The following SORCS2 variants were observed in gnomAD, a reference collection of about 807,000 sequenced individuals.
The protein encoded by SORCS2 is VPS10 domain-containing receptor SorCS2.
Under a neutral mutation model 141.6 loss-of-function variants are expected in SORCS2, and 100 were observed. That is an observed-to-expected ratio of 0.71 (90% CI 0.60 to 0.83). The LOEUF (loss-of-function observed/expected upper bound fraction) is 0.83, where lower values mean the gene tolerates loss of function less well. Ranked by LOEUF, SORCS2 falls within the 40% of genes least tolerant of loss-of-function variation. SORCS2 has a pLI of 0.00. For missense variants in SORCS2, 1,646 were observed against 1,560.2 expected, an observed-to-expected ratio of 1.05 and a Z score of -0.93; for synonymous variants, 789 against 676.9, an observed-to-expected ratio of 1.17 and a Z score of -2.57.
chr4:7,472,389 G>A (rs868868233), intron 2 of SORCS2, among the ~76,000 whole-genome samples: 3 of 152,154 alleles, frequency 2.0e-5, no homozygotes, highest in Non-Finnish European at 4.4e-5. Flanking sequence ...CAAAGTGGAC[G>A]GCATGTTCCC....
chr4:7,713,622 T>G (rs966568172), intron 15 of SORCS2, among the ~76,000 whole-genome samples: 1 of 151,474 alleles, frequency 6.6e-6, no homozygotes, highest in Non-Finnish European at 1.5e-5. Flanking sequence ...TGACATCACC[T>G]GGGGGGCAGT....
chr4:7,553,742 T>G (rs1187538418), intron 3 of SORCS2, among the ~76,000 whole-genome samples: 1 of 152,180 alleles, frequency 6.6e-6, no homozygotes, highest in Non-Finnish European at 1.5e-5. Context: ...AAAACATGTT[T>G]CTGGAAAAGA....
chr4:7,648,037 T>C lies in SORCS2; in HGVS notation c.814-6097T>C, dbSNP rs530132086. Among the ~76,000 whole-genome samples the C allele has an allele frequency of 4.4e-4, 65 of 148,494 alleles. No individual in the cohort carries two copies. The South Asian group carries it at 0.014, about 33-fold the overall frequency. ...GGAGGCAGGAGCAGCCGAGGTGGAGTGGGGAAGTGGGGTGGCCTGAGATGG... is the reference window on the plus strand; with the variant it reads ...GGAGGCAGGAGCAGCCGAGGTGGAGCGGGGAAGTGGGGTGGCCTGAGATGG... On this transcript the variant is annotated intron_variant, in intron 4 of 26. Coordinates refer to ENST00000507866, the MANE Select transcript of SORCS2 (RefSeq NM_020777.3). This position sits in a 1 kb window ranked among gnomAD's most constrained non-coding sequence, Gnocchi z 4.2.
chr4:7,710,386 C>G (rs1440783746), intron 14 of SORCS2, among the ~76,000 whole-genome samples: 2 of 152,100 alleles, frequency 1.3e-5, no homozygotes, highest in Non-Finnish European at 2.9e-5. Context: ...CGCCTGGGCC[C>G]GGCCTGCAGT....
At chr4:7,364,328 AG>A (rs1721754704) in intron 1 of SORCS2, among the ~76,000 whole-genome samples, 1 of 152,244 alleles carries the variant, frequency 6.6e-6, no homozygotes, top group African/African-American at 2.4e-5. Flanking sequence ...GTCTTTGGAC[AG>A]GGAAATGCAC....
chr4:7,686,076 C>G (rs945889161), intron 10 of SORCS2, among the ~76,000 whole-genome samples: 5 of 152,232 alleles, frequency 3.3e-5, no homozygotes, highest in African/African-American at 1.2e-4. Context: ...TTTCAGCCCT[C>G]TGTTTTTCTC....
intron 18 of SORCS2, among the ~76,000 whole-genome samples, chr4:7,719,966 C>T (rs1402452609): frequency 1.3e-5 from 2 of 152,136 alleles, no homozygotes; most frequent in Non-Finnish European, 2.9e-5. Flanking sequence ...GGGAAGAGGC[C>T]ACCCGCTACG....
rs866062409 is a variant in SORCS2, at chr4:7,500,535, A to G, written c.549-30995A>G. Among the ~76,000 whole-genome samples the G allele has an allele frequency of 3.9e-5, 6 of 152,176 alleles. No homozygotes were observed. The Middle Eastern group carries it at 0.01, about 259-fold the overall frequency. ...GAGATAGCCAGTATTCAAGTTAAGAAATAACCACAGAGGATGTCAGTGTGC... is the reference window on the plus strand; with the variant it reads ...GAGATAGCCAGTATTCAAGTTAAGAGATAACCACAGAGGATGTCAGTGTGC... On this transcript the variant is annotated intron_variant, in intron 2 of 26. Transcript: ENST00000507866.
chr4:7,455,890 G>A (rs1220923536), intron 2 of SORCS2, among the ~76,000 whole-genome samples: 1 of 152,156 alleles, frequency 6.6e-6, no homozygotes, highest in East Asian at 1.9e-4. Flanking sequence ...ATCAGGCGCC[G>A]GGTTAGCATC....
At chr4:7,695,547 GATGGATGGATGGATGC>G (rs1172534159) in intron 11 of SORCS2, among the ~76,000 whole-genome samples, 1 of 11,572 alleles carries the variant, frequency 8.6e-5, no homozygotes, top group Non-Finnish European at 1.9e-4. Context: ...TGGGTGGATG[GATGGATGGATGGATGC>G]ATGGATGGAT....
At position 7,466,235 on chromosome 4, in the gene SORCS2, G is replaced by A. The variant is rs114560039; in HGVS notation, c.549-65295G>A. 2.7e-3 allele frequency among the ~76,000 whole-genome samples: 408 copies of A among 152,262 alleles called. 5 individuals are homozygous for A. The highest frequency in any genetic ancestry group is 9.3e-3 in the African/African-American group (385 of 41,550). On this transcript the variant is annotated intron_variant, in intron 2 of 26. Coordinates refer to ENST00000507866, the MANE Select transcript of SORCS2 (RefSeq NM_020777.3). Reference sequence around the variant, plus strand: ...GGGGGTGAGAGTACATCTGGTTCACGCCCCTGCAGTCAATCAGGGGCCCAG... The same window carrying A: ...GGGGGTGAGAGTACATCTGGTTCACACCCCTGCAGTCAATCAGGGGCCCAG...
chr4:7,544,904 G>A (rs867371827), intron 3 of SORCS2, among the ~76,000 whole-genome samples: 1 of 152,194 alleles, frequency 6.6e-6, no homozygotes, highest in African/African-American at 2.4e-5. Context: ...GGAGCCCTGA[G>A]GAGGGCTGGG....
At chr4:7,315,573 G>C (rs1221419196) in intron 1 of SORCS2, among the ~76,000 whole-genome samples, 1 of 152,206 alleles carries the variant, frequency 6.6e-6, no homozygotes, top group Non-Finnish European at 1.5e-5. Context: ...GGACTTTGCT[G>C]TGGTGCGCCA....
At chr4:7,284,369 C>T (rs954052556) in intron 1 of SORCS2, among the ~76,000 whole-genome samples, 3 of 152,222 alleles carry the variant, frequency 2.0e-5, no homozygotes, top group Admixed American at 6.5e-5. Flanking sequence ...CTTTATCAAC[C>T]TCCCTGAGCC....
intron 3 of SORCS2, among the ~76,000 whole-genome samples, chr4:7,603,157 G>C (rs911243477): frequency 4.6e-5 from 7 of 151,892 alleles, no homozygotes; most frequent in African/African-American, 1.7e-4. Flanking sequence ...TGGAGAGAGA[G>C]GGAGAGGGAG....
At chr4:7,224,391 G>A (rs536294237) in intron 1 of SORCS2, among the ~76,000 whole-genome samples, 1 of 152,288 alleles carries the variant, frequency 6.6e-6, no homozygotes, top group East Asian at 1.9e-4. Context: ...GAGAGGAGGC[G>A]GGGCTGGGAC....
intron 1 of SORCS2, among the ~76,000 whole-genome samples, chr4:7,225,757 G>A (rs866282786): frequency 1.3e-5 from 2 of 152,148 alleles, no homozygotes; most frequent in African/African-American, 4.8e-5. Flanking sequence ...TTGTGCTCTC[G>A]GGGCCCCTGT....
In SORCS2 at chr4:7,609,777, G is replaced by A. The variant is rs1258673338; in HGVS notation, c.649-28551G>A. Among the ~76,000 whole-genome samples, 5 of 152,222 alleles carry A rather than the reference G, an allele frequency of 3.3e-5. No individual in the cohort carries two copies. In the East Asian group the frequency reaches 9.6e-4, roughly 29 times the overall value. The stretch of plus-strand genomic sequence containing the variant: ...GGGACCTCCGGATGGGCCTTGGGAT[G>A]ACAAGGGTCTCCGCTGCGCACTCTC... On this transcript the variant is annotated intron_variant, in intron 3 of 26. Coordinates refer to ENST00000507866, the MANE Select transcript of SORCS2 (RefSeq NM_020777.3).
At position 7,565,767 on chromosome 4, in the gene SORCS2, G is replaced by A. The variant is rs531866562; in HGVS notation, c.648+34138G>A. Reference sequence around the variant, plus strand: ...ATGTGAAAGTGATGGTGATGGTGTCGGTGGTGATGATGTGATGATGGATAT... The same window carrying A: ...ATGTGAAAGTGATGGTGATGGTGTCAGTGGTGATGATGTGATGATGGATAT... On this transcript the variant is annotated intron_variant, in intron 3 of 26. Coordinates refer to ENST00000507866, the MANE Select transcript of SORCS2 (RefSeq NM_020777.3). Among the ~76,000 whole-genome samples the A allele has an allele frequency of 7.3e-4, 109 of 148,668 alleles. 1 individual carries two copies. Among genetic ancestry groups the A allele is most frequent in the African/African-American group, 2.3e-3 (96 of 41,022 alleles).
Sources: allele counts gnomAD v4.1 joint callset (sites outside exome capture counted in the v4.1 genomes callset), GRCh38; gene constraint gnomAD v4.1.1; non-coding constraint Gnocchi (gnomAD v3.1); transcripts MANE v1.5; gene names NCBI Gene and HGNC (gene_info 2026-07-23, HGNC 2026-07-21).